The following SPATS2 variants were observed in gnomAD, a reference collection of about 807,000 sequenced individuals.
SPATS2 encodes the protein spermatogenesis-associated serine-rich protein 2.
SPATS2 carries 38 observed loss-of-function variants against 63.7 expected under a neutral mutation model. The ratio of observed to expected loss-of-function variants is 0.60; its 90% CI spans 0.46 to 0.78. The LOEUF (loss-of-function observed/expected upper bound fraction) is 0.78, where lower values mean the gene tolerates loss of function less well. Ranked by LOEUF, SPATS2 falls within the 30% of genes least tolerant of loss-of-function variation. The pLI is 0.00. For missense variants in SPATS2, 588 were observed against 666.2 expected (o/e 0.88, Z 1.29); for synonymous variants, 207 against 232.9 (o/e 0.89, Z 1.01).
chr12:49,389,780 A>G (rs1336578403), intron 2 of SPATS2: 2 of 1,221,094 alleles, frequency 1.6e-6, no homozygotes, highest in Non-Finnish European at 2.4e-6. Flanking sequence ...AATTGCGTAC[A>G]TCCCTGGAAG....
intron 9 of SPATS2, among the ~76,000 whole-genome samples, chr12:49,511,538 C>T (rs1946753707): frequency 1.3e-5 from 2 of 151,984 alleles, no homozygotes; most frequent in Non-Finnish European, 1.5e-5. Context: ...AAGCTTAGTA[C>T]CCTGAGGTAT....
chr12:49,470,541 A>C (rs1946016787), intron 3 of SPATS2, among the ~76,000 whole-genome samples: 1 of 152,256 alleles, frequency 6.6e-6, no homozygotes, highest in Admixed American at 6.5e-5. Context: ...TTAAAACAAT[A>C]ATAGAGATCA....
intron 2 of SPATS2, among the ~76,000 whole-genome samples, chr12:49,374,552 A>T (rs934652057): frequency 6.6e-6 from 1 of 152,174 alleles, no homozygotes; most frequent in African/African-American, 2.4e-5. Context: ...ACCATCTTCT[A>T]TACAGATTCT....
chr12:49,400,765 A>C (rs1242244224), intron 2 of SPATS2, among the ~76,000 whole-genome samples: 86 of 152,200 alleles, frequency 5.7e-4, no homozygotes, highest in Admixed American at 5.6e-3. Context: ...GAGTGGGAGA[A>C]TGAATGGATG....
intron 2 of SPATS2, among the ~76,000 whole-genome samples, chr12:49,375,153 T>A (rs1409350142): frequency 1.0e-5 from 1 of 99,932 alleles, no homozygotes; most frequent in African/African-American, 4.6e-5. Context: ...TGTGTGTGTG[T>A]GTGTGTGTGT....
chr12:49,495,137 G>A, intron 7 of SPATS2, 135 bp downstream of exon 7: 2 of 944,228 alleles, frequency 2.1e-6, no homozygotes, highest in Non-Finnish European at 2.9e-6. Context: ...TTACTTTTTA[G>A]TTTTTGTTAC....
At position 49,526,580 on chromosome 12, in the gene SPATS2, CAG is replaced by C. The variant is rs1207783684; in HGVS notation, c.*328_*329del. ...CAGGCTGTCTCAGGAGGAGGTGAAT[CAG>C]AGCTAGTCTGTCACCTTTCCAATCT... On this transcript the variant is annotated 3_prime_UTR_variant, in exon 14 of 14. Coordinates refer to ENST00000552918, the MANE Select transcript of SPATS2 (RefSeq NM_023071.4). 3 of 285,516 alleles carry C rather than the reference CAG, an allele frequency of 1.1e-5. No individual in the cohort carries two copies. Among genetic ancestry groups the C allele is most frequent in the African/African-American group, 6.6e-5 (3 of 45,216 alleles). The allele number at this position is 285,516 out of a possible 1,614,324, so 17.7% of individuals were successfully genotyped here.
At chr12:49,370,253 C>A (rs896683818) in intron 1 of SPATS2, among the ~76,000 whole-genome samples, 3 of 152,178 alleles carry the variant, frequency 2.0e-5, no homozygotes, top group African/African-American at 7.2e-5. Context: ...GTATACTATT[C>A]TAAAAATTGC....
intron 2 of SPATS2, among the ~76,000 whole-genome samples, chr12:49,374,638 C>T (rs1944060945): frequency 6.6e-6 from 1 of 152,016 alleles, no homozygotes; most frequent in Non-Finnish European, 1.5e-5. Flanking sequence ...CTTCTGCAGC[C>T]ATTGTCCTAT....
intron 6 of SPATS2, among the ~76,000 whole-genome samples, chr12:49,492,354 G>A (rs1233427211): frequency 6.6e-6 from 1 of 151,838 alleles, no homozygotes; most frequent in Non-Finnish European, 1.5e-5. Context: ...TACGTAGGGC[G>A]GGACTACAGG....
chr12:49,437,481 T>TG (rs1406684933), intron 2 of SPATS2, among the ~76,000 whole-genome samples: 1 of 152,142 alleles, frequency 6.6e-6, no homozygotes, highest in Non-Finnish European at 1.5e-5. Flanking sequence ...GGCAGGCAGC[T>TG]GGGAGGTGGA....
intron 2 of SPATS2, among the ~76,000 whole-genome samples, chr12:49,422,643 G>C (rs899155903): frequency 6.6e-6 from 1 of 152,202 alleles, no homozygotes; most frequent in African/African-American, 2.4e-5. Flanking sequence ...GCTCACGCCT[G>C]TAATCCCAGC....
chr12:49,491,652 A>T (rs939995412), intron 6 of SPATS2, among the ~76,000 whole-genome samples: 1 of 152,208 alleles, frequency 6.6e-6, no homozygotes, highest in Non-Finnish European at 1.5e-5. Context: ...ACCCTGTTCC[A>T]CTATCTACTG....
intron 9 of SPATS2, chr12:49,514,331 C>G: frequency 2.1e-6 from 1 of 481,820 alleles, no homozygotes; most frequent in Non-Finnish European, 3.7e-6. Context: ...ACCAATATTG[C>G]AATATAAAAG....
intron 2 of SPATS2, among the ~76,000 whole-genome samples, chr12:49,389,276 CCCCT>C (rs1944375982): frequency 6.6e-6 from 1 of 152,170 alleles, no homozygotes; most frequent in Non-Finnish European, 1.5e-5. Flanking sequence ...CCTTTTGGCG[CCCCT>C]GGCGGAGGCG....
At chr12:49,460,519 T>TG (rs1945803712) in intron 2 of SPATS2, among the ~76,000 whole-genome samples, 1 of 152,114 alleles carries the variant, frequency 6.6e-6, no homozygotes, top group Non-Finnish European at 1.5e-5. Context: ...AAAGCAGAGA[T>TG]GGGGATATTT....
intron 12 of SPATS2, 83 bp from the exon 13 acceptor site, chr12:49,524,598 TC>T: frequency 2.9e-6 from 4 of 1,386,630 alleles, no homozygotes; most frequent in Non-Finnish European, 4.0e-6. Context: ...CTTAAATTGC[TC>T]ATTGTGAAAT....
intron 2 of SPATS2, among the ~76,000 whole-genome samples, chr12:49,419,935 A>C (rs1324415912): frequency 6.6e-6 from 1 of 152,256 alleles, no homozygotes; most frequent in Non-Finnish European, 1.5e-5. Flanking sequence ...AAAGATTCAA[A>C]GCATTTCTGA....
chr12:49,367,804 G>A (rs1453215343), intron 1 of SPATS2, among the ~76,000 whole-genome samples: 1 of 151,710 alleles, frequency 6.6e-6, no homozygotes, highest in Non-Finnish European at 1.5e-5. Context: ...GAGTTGGGGA[G>A]TTTCCAGACG....
Sources: gnomAD v4.1 joint callset for allele counts (sites outside exome capture counted in the v4.1 genomes callset) on GRCh38, gnomAD v4.1.1 for gene constraint, MANE v1.5 for transcripts, NCBI Gene and HGNC (gene_info 2026-07-23, HGNC 2026-07-21) for gene names.